Variants in DOCK1 observed in about 807,000 individuals in gnomAD.
The protein encoded by DOCK1 is dedicator of cytokinesis protein 1.
DOCK1 carries 138 observed loss-of-function variants against 262.7 expected under a neutral mutation model. The ratio of observed to expected loss-of-function variants is 0.53; its 90% CI spans 0.46 to 0.61. The LOEUF is 0.61. DOCK1 is among the 20% of genes least tolerant of loss of function. The pLI is 0.00. For synonymous variants in DOCK1, 866 were observed against 867.4 expected (o/e 1.00, Z 0.03); for missense variants, 1,908 against 2,370.7 (o/e 0.80, Z 4.05).
In DOCK1 at chr10:127,214,129, G is replaced by A. The variant is rs796995035; in HGVS notation, c.2848-33879G>A. ...CCCAAAGTGCTGGGGTTACAGGTGTGAGCCACTGCACCCGACCTTTTTTTC... is the reference window on the plus strand; with the variant it reads ...CCCAAAGTGCTGGGGTTACAGGTGTAAGCCACTGCACCCGACCTTTTTTTC... On this transcript the variant is annotated intron_variant, in intron 27 of 51. Coordinates refer to ENST00000623213, the MANE Select transcript of DOCK1 (RefSeq NM_001290223.2). Among the ~76,000 whole-genome samples the A allele has an allele frequency of 5.9e-5, 9 of 152,284 alleles. 1 individual carries two copies. The highest frequency in any genetic ancestry group is 1.7e-4 in the African/African-American group (7 of 41,550).
intron 23 of DOCK1, among the ~76,000 whole-genome samples, chr10:127,066,764 G>T (rs955055086): frequency 3.9e-5 from 6 of 152,230 alleles, no homozygotes; most frequent in Non-Finnish European, 8.8e-5. Flanking sequence ...TTTCTCAACT[G>T]ATTTAGTCTT....
Position 127,374,113 on chromosome 10 carries a change from G to C in DOCK1, c.3574G>C (p.Val1192Leu). 6.2e-7 allele frequency: 1 copy of C among 1,613,498 alleles called. No homozygotes were observed. The highest frequency in any genetic ancestry group is 8.5e-7 in the Non-Finnish European group (1 of 1,179,666). ...CCTCGCCAAAACAGGAGAAACTTTT[G>C]TAAAACTCGTTGTGCGCTTAATGGA... ...KYLAKTGETF[V>L]KLVVRLMERL... The change falls in exon 35 of 52, where the codon GTA (valine) becomes CTA (leucine). Residue 1192 changes from valine to leucine, a missense_variant. By Grantham distance (32) the Val-to-Leu change is conservative. Transcript: ENST00000623213.
At chr10:127,312,601 G>A (rs562229808) in intron 29 of DOCK1, among the ~76,000 whole-genome samples, 1 of 152,122 alleles carries the variant, frequency 6.6e-6, no homozygotes, top group Non-Finnish European at 1.5e-5. Flanking sequence ...CCTTACCCCC[G>A]GGCTTGAGGA....
In DOCK1 at chr10:126,949,244, C is replaced by G. The variant is rs1382444509; in HGVS notation, c.47-21458C>G. On this transcript the variant is annotated intron_variant, in intron 1 of 51. Transcript: ENST00000623213. ...GGGGTTAACACACCCAGCTCCTGCT[C>G]TCCTGCAGCCCTCTCCCTGTGGGGA... 2.6e-5 allele frequency among the ~76,000 whole-genome samples: 4 copies of G among 152,224 alleles called. 1 individual carries two copies. Among genetic ancestry groups the G allele is most frequent in the South Asian group, 2.1e-4 (1 of 4,806 alleles).
At chr10:127,238,102 C>CAG (rs1378288143) in intron 27 of DOCK1, among the ~76,000 whole-genome samples, 14 of 152,190 alleles carry the variant, frequency 9.2e-5, no homozygotes, top group African/African-American at 3.4e-4. Flanking sequence ...TCTGTAGGCA[C>CAG]AGGAATATTA....
In DOCK1 at chr10:127,271,669, C is replaced by T. The variant is rs534973913; in HGVS notation, c.3044+14240C>T. 8.3e-4 allele frequency among the ~76,000 whole-genome samples: 126 copies of T among 152,284 alleles called. 2 individuals are homozygous for T. Among genetic ancestry groups the T allele is most frequent in the African/African-American group, 2.9e-3 (121 of 41,572 alleles). ...TCTTCTGAACATTTCAGTGGCTGCA[C>T]TGTACACTGTCCCATTACCCAACAC... On this transcript the variant is annotated intron_variant, in intron 29 of 51. Transcript: ENST00000623213.
intron 1 of DOCK1, among the ~76,000 whole-genome samples, chr10:126,951,340 G>T (rs2036215550): frequency 6.6e-6 from 1 of 151,686 alleles, no homozygotes; most frequent in East Asian, 1.9e-4. Context: ...TGATAGTGGT[G>T]ATGGTAGTAT....
At chr10:127,389,492 G>A (rs751586990) in intron 38 of DOCK1, among the ~76,000 whole-genome samples, 1 of 152,168 alleles carries the variant, frequency 6.6e-6, no homozygotes, top group Non-Finnish European at 1.5e-5. Flanking sequence ...GTCATCACAG[G>A]CCTTAGTGGG....
chr10:126,941,231 C>T (rs2034955550), intron 1 of DOCK1, among the ~76,000 whole-genome samples: 1 of 152,080 alleles, frequency 6.6e-6, no homozygotes, highest in Non-Finnish European at 1.5e-5. Context: ...CTAGTGGACA[C>T]AGGGGACAAG....
intron 1 of DOCK1, among the ~76,000 whole-genome samples, chr10:126,912,146 TG>T (rs1200015274): frequency 6.6e-6 from 1 of 152,132 alleles, no homozygotes; most frequent in Non-Finnish European, 1.5e-5. Context: ...AAGGCCACTA[TG>T]GCCAGCCTCG....
intron 29 of DOCK1, among the ~76,000 whole-genome samples, chr10:127,286,514 T>G (rs1188032839): frequency 6.6e-6 from 1 of 152,208 alleles, no homozygotes; most frequent in African/African-American, 2.4e-5. Context: ...TATTATATTA[T>G]GTAGTATATA....
intron 29 of DOCK1, among the ~76,000 whole-genome samples, chr10:127,281,788 G>A (rs1240363297): frequency 2.0e-5 from 3 of 152,110 alleles, no homozygotes; most frequent in East Asian, 1.9e-4. Flanking sequence ...TGGGAGCAGG[G>A]CAGTTATCAA....
At chr10:127,234,138 G>A (rs781752328) in intron 27 of DOCK1, among the ~76,000 whole-genome samples, 16 of 152,082 alleles carry the variant, frequency 1.1e-4, no homozygotes, top group Non-Finnish European at 1.6e-4. Context: ...GAAAACAGGC[G>A]CTTGCTGTCA....
chr10:127,233,358 C>G (rs148928028), intron 27 of DOCK1, among the ~76,000 whole-genome samples: 18 of 152,120 alleles, frequency 1.2e-4, no homozygotes, highest in Non-Finnish European at 2.5e-4. Flanking sequence ...GTCTACATAA[C>G]AGTGGACATG....
At position 127,248,096 on chromosome 10, in the gene DOCK1, G is replaced by A; in HGVS notation, c.2936G>A (p.Arg979Lys). The A allele has an allele frequency of 6.2e-7, 1 of 1,613,916 alleles. No individual in the cohort carries two copies. Among genetic ancestry groups the A allele is most frequent in the African/African-American group, 1.3e-5 (1 of 75,050 alleles). ...AHLIKTFGKMRTDVVDFLMET... is the reference protein window; with the variant it reads ...AHLIKTFGKMKTDVVDFLMET... ...TTGATCAAGACTTTTGGGAAAATGA[G>A]GACTGATGTGGTAGTAAGTGTCCCT... The change falls in exon 28 of 52, where the codon AGG becomes AAG. Residue 979 changes from arginine to lysine, a missense_variant. This residue lies in a region of DOCK1 where 518 missense variants were observed against 575.1 expected (regional missense o/e 0.90). Coordinates refer to ENST00000623213, the MANE Select transcript of DOCK1 (RefSeq NM_001290223.2).
At chr10:126,929,075 C>T (rs2033989200) in intron 1 of DOCK1, among the ~76,000 whole-genome samples, 1 of 152,214 alleles carries the variant, frequency 6.6e-6, no homozygotes, top group Non-Finnish European at 1.5e-5. Flanking sequence ...TTAGATCCAT[C>T]AGGTACAGGT....
chr10:127,191,332 T>C (rs1463001302), intron 27 of DOCK1, among the ~76,000 whole-genome samples: 1 of 152,142 alleles, frequency 6.6e-6, no homozygotes, highest in Non-Finnish European at 1.5e-5. Context: ...ACCTTACACA[T>C]TGCCTTGGCC....
rs994908466 is a variant in DOCK1 at position 126,949,559 on chromosome 10, G to A, written c.47-21143G>A. Among the ~76,000 whole-genome samples, 29 of 152,198 alleles carry A rather than the reference G, an allele frequency of 1.9e-4. 1 individual carries two copies. The South Asian group carries it at 6.0e-3, about 32-fold the overall frequency. On this transcript the variant is annotated intron_variant, in intron 1 of 51. Transcript: ENST00000623213. The stretch of plus-strand genomic sequence containing the variant: ...CCCTGCTTAATTTCAGAGCAGCAAG[G>A]GCAGAGCTGGGACATGGTTGGATCT...
intron 27 of DOCK1, among the ~76,000 whole-genome samples, chr10:127,215,427 C>A (rs2058163267): frequency 6.6e-6 from 1 of 152,168 alleles, no homozygotes; most frequent in South Asian, 2.1e-4. Flanking sequence ...TACTTGGCGC[C>A]AAGCATGGCA....
Sources: allele counts gnomAD v4.1 joint callset (sites outside exome capture counted in the v4.1 genomes callset), GRCh38; gene constraint gnomAD v4.1.1; regional missense constraint gnomAD v4.1.1; transcripts MANE v1.5; gene names NCBI Gene and HGNC (gene_info 2026-07-23, HGNC 2026-07-21).